Variants in SORCS2 observed in about 807,000 individuals in gnomAD.
SORCS2 encodes VPS10 domain-containing receptor SorCS2.
In SORCS2, 100 loss-of-function variants were observed where a neutral mutation model predicts 141.6. The observed-to-expected ratio is 0.71, with a 90% CI of 0.60 to 0.83. The LOEUF is 0.83. Ranked by LOEUF, SORCS2 falls within the 40% of genes least tolerant of loss-of-function variation. SORCS2 has a pLI of 0.00. For missense variants in SORCS2, 1,646 were observed against 1,560.2 expected (o/e 1.05, Z -0.93); for synonymous variants, 789 against 676.9 (o/e 1.17, Z -2.57).
At chr4:7,307,888 T>G (rs1407993547) in intron 1 of SORCS2, among the ~76,000 whole-genome samples, 2 of 151,556 alleles carry the variant, frequency 1.3e-5, no homozygotes, top group East Asian at 3.9e-4. Context: ...GTGCATGGGT[T>G]TGTGTATATG....
intron 3 of SORCS2, among the ~76,000 whole-genome samples, chr4:7,541,373 G>T (rs922259116): frequency 6.6e-6 from 1 of 152,240 alleles, no homozygotes; most frequent in Non-Finnish European, 1.5e-5. Flanking sequence ...TTTCCATTCT[G>T]CTGGTAATTT....
At chr4:7,495,517 C>T (rs576687391) in intron 2 of SORCS2, among the ~76,000 whole-genome samples, 2 of 152,306 alleles carry the variant, frequency 1.3e-5, no homozygotes, top group South Asian at 2.1e-4. Context: ...GAGGTCAGCA[C>T]AGGCTACACT....
At chr4:7,417,053 A>T (rs556854402) in intron 2 of SORCS2, among the ~76,000 whole-genome samples, 2 of 152,246 alleles carry the variant, frequency 1.3e-5, no homozygotes, top group East Asian at 3.9e-4. Flanking sequence ...TGGGGATATG[A>T]TGCATTTTAA....
chr4:7,206,091 C>G (rs916688668), intron 1 of SORCS2, among the ~76,000 whole-genome samples: 2 of 152,076 alleles, frequency 1.3e-5, no homozygotes, highest in African/African-American at 4.8e-5. Context: ...AACAAAAACA[C>G]CATGCGAGGT....
At chr4:7,712,991 G>C in intron 15 of SORCS2, 138 bp downstream of exon 15, 1 of 1,294,606 alleles carries the variant, frequency 7.7e-7, no homozygotes, top group Non-Finnish European at 1.0e-6. Context: ...AATCCCCAGC[G>C]CCTTGAGATG....
At chr4:7,351,584 G>A (rs1720938265) in intron 1 of SORCS2, among the ~76,000 whole-genome samples, 1 of 152,090 alleles carries the variant, frequency 6.6e-6, no homozygotes, top group Non-Finnish European at 1.5e-5. Context: ...CTTTTATAGG[G>A]ACACCGAAGA....
chr4:7,301,387 C>T (rs913741242), intron 1 of SORCS2, among the ~76,000 whole-genome samples: 15 of 152,316 alleles, frequency 9.8e-5, no homozygotes, highest in African/African-American at 2.6e-4. Flanking sequence ...CAGGGAGGGA[C>T]GAGGGTGGCC....
At chr4:7,317,842 A>G (rs1718661293) in intron 1 of SORCS2, among the ~76,000 whole-genome samples, 2 of 152,180 alleles carry the variant, frequency 1.3e-5, no homozygotes, top group Admixed American at 6.5e-5. Flanking sequence ...CTACAAATGT[A>G]CAGAAACCCG....
chr4:7,698,124 G>A (rs1206081867), intron 12 of SORCS2, among the ~76,000 whole-genome samples: 2 of 152,196 alleles, frequency 1.3e-5, no homozygotes, highest in Non-Finnish European at 2.9e-5. Context: ...CTGTACACTG[G>A]CTGTTTCTTT....
chr4:7,314,710 G>A (rs1379361867), intron 1 of SORCS2, among the ~76,000 whole-genome samples: 1 of 151,712 alleles, frequency 6.6e-6, no homozygotes, highest in Non-Finnish European at 1.5e-5. Context: ...AGAGCAAGGA[G>A]GGACCAGGTC....
intron 3 of SORCS2, among the ~76,000 whole-genome samples, chr4:7,564,395 T>C (rs1714816397): frequency 6.6e-6 from 1 of 152,114 alleles, no homozygotes; most frequent in Admixed American, 6.5e-5. Flanking sequence ...GTCAGCCCCG[T>C]GTGTGTCTCT....
In SORCS2 at chr4:7,733,324, G is replaced by A; in HGVS notation, c.3111G>A (p.Arg1037=). ...TRKRSLSSDK[R]LAAIQQVLNA... is the part of the protein sequence containing the mutation. ...CACTGTCCCCTCTGTGCTTGCAGAGGCTCGCCGCCATCCAGCAGGTGCTGA... is the reference window on the plus strand; with the variant it reads ...CACTGTCCCCTCTGTGCTTGCAGAGACTCGCCGCCATCCAGCAGGTGCTGA... The change falls in exon 24 of 27, where the codon AGG becomes AGA. Residue 1037 remains arginine (R), a splice_region_variant and synonymous_variant. Transcript: ENST00000507866. 6.5e-7 allele frequency: 1 copy of A among 1,546,352 alleles called. No individual in the cohort carries two copies. Among genetic ancestry groups the A allele is most frequent in the Non-Finnish European group, 8.7e-7 (1 of 1,145,772 alleles).
chr4:7,240,234 C>T (rs1484874633), intron 1 of SORCS2, among the ~76,000 whole-genome samples: 3 of 152,146 alleles, frequency 2.0e-5, no homozygotes, highest in Non-Finnish European at 2.9e-5. Context: ...CAGGTACCTG[C>T]GGGTGTTGCT....
chr4:7,230,315 G>A (rs1711762266), intron 1 of SORCS2, among the ~76,000 whole-genome samples: 1 of 102,036 alleles, frequency 9.8e-6, no homozygotes, highest in Non-Finnish European at 2.0e-5. Flanking sequence ...AGATGAAGAT[G>A]GTCAAGTCTT....
intron 1 of SORCS2, among the ~76,000 whole-genome samples, chr4:7,300,265 G>T (rs922861675): frequency 1.3e-5 from 2 of 152,118 alleles, no homozygotes; most frequent in Admixed American, 1.3e-4. Context: ...AGGAGTGAGG[G>T]TCTAATCTCG....
chr4:7,561,821 A>G (rs1714603860), intron 3 of SORCS2, among the ~76,000 whole-genome samples: 1 of 151,530 alleles, frequency 6.6e-6, no homozygotes, highest in Non-Finnish European at 1.5e-5. Flanking sequence ...ACATCCATTC[A>G]TCTGCCCATC....
chr4:7,714,362 G>A lies in SORCS2; in HGVS notation c.2112G>A (p.Ser704=), dbSNP rs374050422. 146 of 1,554,656 alleles carry A rather than the reference G, an allele frequency of 9.4e-5. 1 individual carries two copies. In the East Asian group the frequency reaches 1.6e-3, roughly 17 times the overall value. ...CCCGCGTGTGCGAGTGCCGGGACTC[G>A]GACTTCCTGTGGTGAGCGACGGGCT... ...LTSRVCECRD[S]DFLCDYGFER... The change falls in exon 16 of 27, where the codon TCG becomes TCA. Residue 704 remains serine (S), a synonymous_variant. Coordinates refer to ENST00000507866, the MANE Select transcript of SORCS2 (RefSeq NM_020777.3).
chr4:7,573,383 A>G (rs1261003756), intron 3 of SORCS2, among the ~76,000 whole-genome samples: 1 of 152,226 alleles, frequency 6.6e-6, no homozygotes, highest in African/African-American at 2.4e-5. Flanking sequence ...GTGGCAATGC[A>G]GGTAGACGGT....
chr4:7,437,717 T>A (rs1287341900), intron 2 of SORCS2, among the ~76,000 whole-genome samples: 2 of 64,336 alleles, frequency 3.1e-5, no homozygotes, highest in Non-Finnish European at 7.5e-5. Flanking sequence ...ACCAAACACT[T>A]TTTTTTTTAT....
Sources: allele counts gnomAD v4.1 joint callset (sites outside exome capture counted in the v4.1 genomes callset), GRCh38; gene constraint gnomAD v4.1.1; transcripts MANE v1.5; gene names NCBI Gene and HGNC (gene_info 2026-07-23, HGNC 2026-07-21).